DIRAS2: variants seen among roughly 807,000 people sequenced by gnomAD.
DIRAS2 encodes the protein DIRAS family GTPase 2, also known as GTP-binding protein Di-Ras2.
DIRAS2 carries 5 observed loss-of-function variants against 13.9 expected under a neutral mutation model. That is an observed-to-expected ratio of 0.36 (90% CI 0.19 to 0.76). The LOEUF is 0.76. DIRAS2 is among the 30% of genes least tolerant of loss of function. DIRAS2 has a pLI of 0.53. For synonymous variants in DIRAS2, 111 were observed against 105.4 expected (o/e 1.05, Z -0.33); for missense variants, 191 against 263.0 (o/e 0.73, Z 1.89).
At chr9:90,615,888 T>C (rs530030454) in intron 1 of DIRAS2, among the ~76,000 whole-genome samples, 1 of 152,360 alleles carries the variant, frequency 6.6e-6, no homozygotes, top group South Asian at 2.1e-4. Flanking sequence ...TATGCACTTT[T>C]AGGGAACACA....
intron 1 of DIRAS2, among the ~76,000 whole-genome samples, chr9:90,627,684 G>T (rs1432012713): frequency 1.3e-5 from 2 of 152,138 alleles, no homozygotes; most frequent in African/African-American, 4.8e-5. Context: ...ATGGAAAATT[G>T]TATGTTATAT....
rs150840206 is a variant in DIRAS2, at chr9:90,639,008, T to A, written c.-37+3744A>T. 2.8e-3 allele frequency among the ~76,000 whole-genome samples: 433 copies of A among 152,292 alleles called. 1 individual carries two copies. Among genetic ancestry groups the A allele is most frequent in the African/African-American group, 0.01 (423 of 41,554 alleles). ...AGGAAGGGCGTGTGTGTGTTTATTA[T>A]GAGAAGGCCTAATGGAAAGTTCTTG... On this transcript the variant is annotated intron_variant, in intron 1 of 1. Coordinates refer to ENST00000375765, the MANE Select transcript of DIRAS2 (RefSeq NM_017594.5).
chr9:90,629,947 G>C (rs1044484684), intron 1 of DIRAS2, among the ~76,000 whole-genome samples: 3 of 152,152 alleles, frequency 2.0e-5, no homozygotes, highest in African/African-American at 7.2e-5. Context: ...TTAGGCAAAA[G>C]TACAAATGTT....
intron 1 of DIRAS2, among the ~76,000 whole-genome samples, chr9:90,633,215 C>T (rs1310694404): frequency 2.0e-5 from 3 of 152,148 alleles, no homozygotes; most frequent in South Asian, 2.1e-4. Flanking sequence ...AAAACAAAGG[C>T]AGCTTGGGCT....
At chr9:90,639,452 A>G (rs764187768) in intron 1 of DIRAS2, among the ~76,000 whole-genome samples, 8 of 152,212 alleles carry the variant, frequency 5.3e-5, no homozygotes, top group East Asian at 1.9e-4. Context: ...GCTGTTCATT[A>G]GTTTTATAAT....
rs1159078418 is a variant in DIRAS2, at chr9:90,612,409, G to A, written c.*819C>T. 1.3e-5 allele frequency: 2 copies of A among 152,520 alleles called. No homozygotes were observed. Among genetic ancestry groups the A allele is most frequent in the South Asian group, 2.1e-4 (1 of 4,826 alleles). The allele number at this position is 152,520 out of a possible 1,614,324, so 9.4% of individuals were successfully genotyped here. On this transcript the variant is annotated 3_prime_UTR_variant, in exon 2 of 2. Coordinates refer to ENST00000375765, the MANE Select transcript of DIRAS2 (RefSeq NM_017594.5). ...ATTTAAAATCTGAGGGCTGAAAGAAGTTATACTCCTCACAGGTCAAAAGAA... is the reference window on the plus strand; with the variant it reads ...ATTTAAAATCTGAGGGCTGAAAGAAATTATACTCCTCACAGGTCAAAAGAA...
Position 90,610,489 on chromosome 9 carries a change from G to T in DIRAS2, c.*2739C>A, listed in dbSNP as rs567111525. ...TCATGGAGCCCCATGCTCATGCCCA[G>T]AGCGCCATCTTCAAAGCAATATTTA... On this transcript the variant is annotated 3_prime_UTR_variant, in exon 2 of 2. Transcript: ENST00000375765. 1.6e-3 allele frequency: 629 copies of T among 398,960 alleles called. No individual in the cohort carries two copies. The highest frequency in any genetic ancestry group is 2.4e-3 in the Non-Finnish European group (549 of 226,058). 24.7% of individuals were successfully genotyped at this position (398,960 alleles called of 1,614,324 possible). A position where few individuals can be genotyped will look rare whatever the true frequency, so the allele number is the denominator to read the frequency against.
intron 1 of DIRAS2, among the ~76,000 whole-genome samples, chr9:90,622,167 T>A (rs1167752609): frequency 6.6e-6 from 1 of 152,140 alleles, no homozygotes; most frequent in Non-Finnish European, 1.5e-5. Context: ...CAGGAGGATC[T>A]CTTCAGCCCA....
Position 90,613,185 on chromosome 9 carries a change from AGGTGCC to A in DIRAS2, c.*37_*42del, listed in dbSNP as rs1352899002. 1 of 1,575,216 alleles carries A rather than the reference AGGTGCC, an allele frequency of 6.3e-7. No individual in the cohort carries two copies. The highest frequency in any genetic ancestry group is 1.8e-5 in the Admixed American group (1 of 56,702). ...CGGTGGGTGTCATTTTGGGGGAGTG[AGGTGCC>A]GGGGACACACAGCTGCTCCTCCCGC... On this transcript the variant is annotated 3_prime_UTR_variant, in exon 2 of 2. Transcript: ENST00000375765. The surrounding 1 kb of genome is among the most constrained non-coding windows in gnomAD (Gnocchi z 5.6).
intron 1 of DIRAS2, among the ~76,000 whole-genome samples, chr9:90,624,924 G>T (rs1825254649): frequency 6.6e-6 from 1 of 152,156 alleles, no homozygotes; most frequent in Non-Finnish European, 1.5e-5. Flanking sequence ...CCCACACCTG[G>T]CCGCTTAATG....
chr9:90,613,707 C>A lies in DIRAS2; in HGVS notation c.121G>T (p.Glu41Ter), dbSNP rs1276201205. ...CTGATCACTTGCCGGTAGGTGTCTT[C>A]CACCGTCGGGATGTAGCTCTCCCGG... Reference protein sequence around the residue: ...TFRESYIPTVEDTYRQVISCD... With the variant: ...TFRESYIPTV Residue 41 changes from glutamate to a stop codon, truncating the protein, a stop_gained, in exon 2 of 2, where the codon GAA becomes TAA. Transcript: ENST00000375765. LOFTEE classifies it high-confidence loss of function. This position sits in a 1 kb window ranked among gnomAD's most constrained non-coding sequence, Gnocchi z 5.6. The A allele has an allele frequency of 6.2e-7, 1 of 1,614,112 alleles. No individual in the cohort carries two copies.
intron 1 of DIRAS2, among the ~76,000 whole-genome samples, chr9:90,631,614 G>A (rs574359684): frequency 3.3e-5 from 5 of 152,148 alleles, no homozygotes; most frequent in African/African-American, 7.2e-5. Context: ...CAACTAGCTC[G>A]CCCATGAGAG....
At chr9:90,621,382 G>A (rs544107280) in intron 1 of DIRAS2, among the ~76,000 whole-genome samples, 20 of 152,214 alleles carry the variant, frequency 1.3e-4, no homozygotes, top group African/African-American at 4.6e-4. Flanking sequence ...GGATGCAAAT[G>A]GCAGGTCCGT....
At chr9:90,631,415 G>A (rs1490960026) in intron 1 of DIRAS2, among the ~76,000 whole-genome samples, 2 of 152,202 alleles carry the variant, frequency 1.3e-5, no homozygotes, top group South Asian at 4.1e-4. Flanking sequence ...ACAGCTGGAG[G>A]GTTTTGAGCA....
At chr9:90,630,462 C>T (rs1008550818) in intron 1 of DIRAS2, among the ~76,000 whole-genome samples, 1 of 152,110 alleles carries the variant, frequency 6.6e-6, no homozygotes, top group African/African-American at 2.4e-5. Context: ...GATCTTGAAG[C>T]CAAAAGTAGG....
intron 1 of DIRAS2, among the ~76,000 whole-genome samples, chr9:90,625,358 T>G (rs897727896): frequency 3.3e-5 from 5 of 152,236 alleles, no homozygotes; most frequent in African/African-American, 1.2e-4. Flanking sequence ...ATTATTTTGT[T>G]TCTCATGCTT....
intron 1 of DIRAS2, among the ~76,000 whole-genome samples, chr9:90,634,408 T>C (rs2118580530): frequency 6.6e-6 from 1 of 152,318 alleles, no homozygotes; most frequent in East Asian, 1.9e-4. Flanking sequence ...AGGGAATAAT[T>C]ACCAATGTGT....
At chr9:90,634,863 G>C (rs760544429) in intron 1 of DIRAS2, among the ~76,000 whole-genome samples, 4 of 152,194 alleles carry the variant, frequency 2.6e-5, no homozygotes, top group Non-Finnish European at 5.9e-5. Context: ...TTGTAAAAGA[G>C]AGGAATAAAC....
rs982369695 is a variant in DIRAS2 at position 90,610,288 on chromosome 9, C to T, written c.*2940G>A. On this transcript the variant is annotated 3_prime_UTR_variant, in exon 2 of 2. Transcript: ENST00000375765. ...AAATATACTAGCTTACAGATATGTA[C>T]AATTTATGACTTTATACTTCAAAAA... 2.5e-6 allele frequency: 1 copy of T among 396,680 alleles called. No individual in the cohort carries two copies. Among genetic ancestry groups the T allele is most frequent in the African/African-American group, 2.1e-5 (1 of 48,570 alleles). The allele number at this position is 396,680 out of a possible 1,614,324, so 24.6% of individuals were successfully genotyped here. A position where few individuals can be genotyped will look rare whatever the true frequency, so the allele number is the denominator to read the frequency against.
Sources: gnomAD v4.1 joint callset for allele counts (sites outside exome capture counted in the v4.1 genomes callset) on GRCh38, gnomAD v4.1.1 for gene constraint, Gnocchi (gnomAD v3.1) non-coding constraint, MANE v1.5 for transcripts, NCBI Gene and HGNC (gene_info 2026-07-23, HGNC 2026-07-21) for gene names.